ZC3H3: variants seen among roughly 807,000 people sequenced by gnomAD.
ZC3H3 encodes zinc finger CCCH-type containing 3, also known as zinc finger CCCH domain-containing protein 3.
A neutral mutation model predicts 77.3 loss-of-function variants in ZC3H3; 36 were observed. That is an observed-to-expected ratio of 0.47 (90% CI 0.36 to 0.61). The LOEUF (loss-of-function observed/expected upper bound fraction) is 0.61. ZC3H3 is among the 20% of genes least tolerant of loss of function. The pLI is 0.00. For synonymous variants in ZC3H3, 626 were observed against 555.2 expected (o/e 1.13, Z -1.79); for missense variants, 1,331 against 1,312.2 (o/e 1.01, Z -0.22).
chr8:143,495,031 A>T (rs1821308915), intron 4 of ZC3H3, among the ~76,000 whole-genome samples: 1 of 152,210 alleles, frequency 6.6e-6, no homozygotes, highest in African/African-American at 2.4e-5. Flanking sequence ...GCTGGAAAGC[A>T]GTTTGGTGAT....
intron 11 of ZC3H3, among the ~76,000 whole-genome samples, chr8:143,439,182 G>A (rs1306542054): frequency 6.6e-6 from 1 of 152,080 alleles, no homozygotes; most frequent in Admixed American, 6.5e-5. Context: ...CACCCAGATG[G>A]AGGGAGCGGG....
At chr8:143,518,959 A>G (rs966134928) in intron 3 of ZC3H3, among the ~76,000 whole-genome samples, 1 of 152,186 alleles carries the variant, frequency 6.6e-6, no homozygotes, top group Non-Finnish European at 1.5e-5. Context: ...TGGATCCTCC[A>G]TCCCCAAGCA....
At chr8:143,451,910 C>A (rs1819997066) in intron 9 of ZC3H3, among the ~76,000 whole-genome samples, 1 of 152,188 alleles carries the variant, frequency 6.6e-6, no homozygotes, top group South Asian at 2.1e-4. Flanking sequence ...CCGTAACAAA[C>A]CCAAGCCACC....
chr8:143,536,277 G>A lies in ZC3H3; in HGVS notation c.1541C>T (p.Ala514Val). ...CATACCTTCCTTGGTGGGGAGGTGG[G>A]CCCGGCTCGGTGGCAGGCGACATAG... The part of the protein sequence containing the change: ...HRLCRLPPSR[A>V]HLPTKEASSL... The change falls in exon 3 of 12, where the codon GCC becomes GTC. Residue 514 changes from alanine to valine, a missense_variant. Ala to Val is a moderately conservative substitution (Grantham distance 64). Coordinates refer to ENST00000262577, the MANE Select transcript of ZC3H3 (RefSeq NM_015117.3). 1.2e-6 allele frequency: 2 copies of A among 1,611,236 alleles called. No individual in the cohort carries two copies. The highest frequency in any genetic ancestry group is 1.7e-6 in the Non-Finnish European group (2 of 1,179,642).
chr8:143,475,701 T>C, intron 4 of ZC3H3, 116 bp from the exon 5 acceptor site: 2 of 1,225,246 alleles, frequency 1.6e-6, no homozygotes, highest in Non-Finnish European at 2.2e-6. Flanking sequence ...GGAGCAGCAC[T>C]TGCGGTGGGT....
intron 3 of ZC3H3, among the ~76,000 whole-genome samples, chr8:143,522,595 ACT>A (rs1295579272): frequency 1.4e-5 from 2 of 147,492 alleles, no homozygotes; most frequent in South Asian, 2.1e-4. Context: ...AGAGAGCAAG[ACT>A]CTCTGTCTTA....
At chr8:143,510,357 C>G (rs1031332047) in intron 3 of ZC3H3, among the ~76,000 whole-genome samples, 1 of 152,238 alleles carries the variant, frequency 6.6e-6, no homozygotes, top group Non-Finnish European at 1.5e-5. Flanking sequence ...ACAGCAGGGT[C>G]GTGTCCCCCA....
At chr8:143,521,091 C>G (rs1480021181) in intron 3 of ZC3H3, among the ~76,000 whole-genome samples, 1 of 152,126 alleles carries the variant, frequency 6.6e-6, no homozygotes, top group South Asian at 2.1e-4. Flanking sequence ...GGGGCAGGCC[C>G]GGCCCCGCCA....
At chr8:143,468,762 A>G in intron 5 of ZC3H3, 103 bp from the exon 6 acceptor site, 1 of 1,412,076 alleles carries the variant, frequency 7.1e-7, no homozygotes, top group Non-Finnish European at 9.4e-7. Context: ...CCCAACACTC[A>G]GCTCAGGCAC....
intron 4 of ZC3H3, among the ~76,000 whole-genome samples, chr8:143,478,958 C>T (rs975319100): frequency 4.6e-5 from 7 of 152,226 alleles, no homozygotes; most frequent in Non-Finnish European, 7.3e-5. Flanking sequence ...CCTGCTGAGC[C>T]GTCCCGGGAT....
intron 3 of ZC3H3, among the ~76,000 whole-genome samples, chr8:143,532,189 C>G (rs1563884643): frequency 6.6e-6 from 1 of 152,110 alleles, no homozygotes; most frequent in African/African-American, 2.4e-5. Flanking sequence ...CTGCAAATTA[C>G]TTGGTATCTG....
rs1435972149 is a variant in ZC3H3 at position 143,440,125 on chromosome 8, A to G, written c.2731T>C (p.Ser911Pro). 5.6e-6 allele frequency: 9 copies of G among 1,610,968 alleles called. No homozygotes were observed. Among genetic ancestry groups the G allele is most frequent in the Non-Finnish European group, 7.6e-6 (9 of 1,179,530 alleles). Residue 911 changes from serine to proline, a missense_variant, in exon 11 of 12, where the codon TCC becomes CCC. By Grantham distance (74) the Ser-to-Pro change is moderately conservative. Around this residue, in one of 3 missense-constraint regions of ZC3H3, gnomAD observed 249 missense variants for 236.9 expected, o/e 1.05. Coordinates refer to ENST00000262577, the MANE Select transcript of ZC3H3 (RefSeq NM_015117.3). Reference sequence around the variant, plus strand: ...GGCGAGGACTGCAGGGAGATGAAGGAAGGCAGCTTGCAGAGCCTGTTGGAG... The same window carrying G: ...GGCGAGGACTGCAGGGAGATGAAGGGAGGCAGCTTGCAGAGCCTGTTGGAG... ...ACSNRLCKLP[S>P]FISLQSSPSP... is the part of the protein sequence containing the mutation.
At chr8:143,456,595 A>C (rs1192513693) in intron 9 of ZC3H3, among the ~76,000 whole-genome samples, 1 of 152,312 alleles carries the variant, frequency 6.6e-6, no homozygotes, top group East Asian at 1.9e-4. Flanking sequence ...TCAAGAATGC[A>C]TAGTAGGGCC....
At chr8:143,482,958 G>C (rs1820947099) in intron 4 of ZC3H3, among the ~76,000 whole-genome samples, 1 of 152,232 alleles carries the variant, frequency 6.6e-6, no homozygotes. Context: ...GGTTGTGTCT[G>C]TGTGTGGGCC....
intron 3 of ZC3H3, among the ~76,000 whole-genome samples, chr8:143,529,084 G>A (rs1250569398): frequency 1.3e-5 from 2 of 152,252 alleles, no homozygotes; most frequent in Admixed American, 6.5e-5. Context: ...CCGAATGAGG[G>A]GAGCAAACTG....
intron 9 of ZC3H3, among the ~76,000 whole-genome samples, chr8:143,445,530 A>T (rs1440423992): frequency 7.3e-5 from 11 of 151,068 alleles, no homozygotes; most frequent in African/African-American, 2.7e-4. Flanking sequence ...ACAAAAGATT[A>T]AAAAAAAACA....
rs918872664 is a variant in ZC3H3, at chr8:143,437,739, C to A, written c.*317G>T. 7 of 439,660 alleles carry A rather than the reference C, an allele frequency of 1.6e-5. No individual in the cohort carries two copies. The highest frequency in any genetic ancestry group is 8.0e-5 in the East Asian group (2 of 25,038). The allele number at this position is 439,660 out of a possible 1,614,324, so 27.2% of individuals were successfully genotyped here. ...AGTGGCCTCTTCACTGGGCCGAAAA[C>A]CTGGGTGGGGAGGGCTGGGGGCTGC... On this transcript the variant is annotated 3_prime_UTR_variant, in exon 12 of 12. Coordinates refer to ENST00000262577, the MANE Select transcript of ZC3H3 (RefSeq NM_015117.3).
chr8:143,442,608 C>T (rs926753998), intron 9 of ZC3H3, among the ~76,000 whole-genome samples: 1 of 152,196 alleles, frequency 6.6e-6, no homozygotes, highest in Non-Finnish European at 1.5e-5. Flanking sequence ...GATGCACCCA[C>T]AGCCCCAGCA....
chr8:143,506,806 C>T (rs145493842), intron 4 of ZC3H3, among the ~76,000 whole-genome samples: 4 of 152,316 alleles, frequency 2.6e-5, no homozygotes, highest in Non-Finnish European at 5.9e-5. Context: ...GCTGTCCATA[C>T]TGGTGGGTGG....
Sources: allele counts gnomAD v4.1 joint callset (sites outside exome capture counted in the v4.1 genomes callset), GRCh38; gene constraint gnomAD v4.1.1; regional missense constraint gnomAD v4.1.1; transcripts MANE v1.5; gene names NCBI Gene and HGNC (gene_info 2026-07-23, HGNC 2026-07-21).